Variants in GRIP1 observed in about 807,000 individuals in gnomAD.
The protein encoded by GRIP1 is glutamate receptor-interacting protein 1.
GRIP1 carries 45 observed loss-of-function variants against 129.9 expected under a neutral mutation model. The ratio of observed to expected loss-of-function variants is 0.35; its 90% CI spans 0.27 to 0.44. GRIP1 has a LOEUF of 0.44. Ranked by LOEUF, GRIP1 falls within the 20% of genes least tolerant of loss-of-function variation. GRIP1 has a pLI of 1.00. For synonymous variants in GRIP1, 530 were observed against 520.8 expected (o/e 1.02, Z -0.24); for missense variants, 1,196 against 1,396.8 (o/e 0.86, Z 2.29).
chr12:67,049,820 T>C (rs1026319376), intron 1 of GRIP1, among the ~76,000 whole-genome samples: 1 of 152,074 alleles, frequency 6.6e-6, no homozygotes, highest in African/African-American at 2.4e-5. Context: ...GAATTGTCAC[T>C]TAAACTAAGT....
Position 66,856,937 on chromosome 12 carries a change from G to A in GRIP1, c.58+212113C>T, listed in dbSNP as rs541781617. ...ACTCATGCACACATATGTTTATTGCGGCACTATTCACAATAGCAAAGACTT... is the reference window on the plus strand; with the variant it reads ...ACTCATGCACACATATGTTTATTGCAGCACTATTCACAATAGCAAAGACTT... On this transcript the variant is annotated intron_variant, in intron 1 of 1. Coordinates refer to the GRIP1 transcript ENST00000643019. 4.6e-5 allele frequency among the ~76,000 whole-genome samples: 7 copies of A among 152,148 alleles called. No individual in the cohort carries two copies. The South Asian group carries it at 1.2e-3, about 27-fold the overall frequency.
At chr12:66,493,418 T>C (rs2060156500) in intron 7 of GRIP1, among the ~76,000 whole-genome samples, 1 of 152,218 alleles carries the variant, frequency 6.6e-6, no homozygotes, top group South Asian at 2.1e-4. Flanking sequence ...CAGGAGCATG[T>C]TTTGAAACTC....
At chr12:67,014,007 G>T (rs1457025349) in intron 1 of GRIP1, among the ~76,000 whole-genome samples, 1 of 152,154 alleles carries the variant, frequency 6.6e-6, no homozygotes, top group Non-Finnish European at 1.5e-5. Context: ...AAACTGGCTG[G>T]CAAGATGTAA....
chr12:66,574,752 G>A (rs961873929), intron 2 of GRIP1, among the ~76,000 whole-genome samples: 13 of 150,706 alleles, frequency 8.6e-5, no homozygotes, highest in Non-Finnish European at 1.5e-5. Flanking sequence ...TTGTCCTCTT[G>A]CAGCTGACTG....
At chr12:66,849,547 C>T (rs2039875180) in intron 1 of GRIP1, among the ~76,000 whole-genome samples, 1 of 151,992 alleles carries the variant, frequency 6.6e-6, no homozygotes, top group Non-Finnish European at 1.5e-5. Context: ...TCCAGGAGGT[C>T]AAGACTTGCA....
chr12:66,947,255 C>T (rs776092988), intron 1 of GRIP1, among the ~76,000 whole-genome samples: 1 of 152,158 alleles, frequency 6.6e-6, no homozygotes, highest in Non-Finnish European at 1.5e-5. Context: ...GGTGATGAAT[C>T]ATCCTGTTCC....
chr12:67,047,591 G>A (rs150923008), intron 1 of GRIP1, among the ~76,000 whole-genome samples: 3 of 152,234 alleles, frequency 2.0e-5, no homozygotes, highest in African/African-American at 7.2e-5. Context: ...AATAATGCCT[G>A]CACAGTTTAG....
intron 1 of GRIP1, among the ~76,000 whole-genome samples, chr12:66,648,451 G>GCTTA (rs937949627): frequency 3.9e-5 from 6 of 152,156 alleles, no homozygotes; most frequent in African/African-American, 1.4e-4. Context: ...GTAGTTCCCA[G>GCTTA]CTTACGGCAG....
chr12:67,022,227 T>C (rs924863717), intron 1 of GRIP1, among the ~76,000 whole-genome samples: 3 of 152,204 alleles, frequency 2.0e-5, no homozygotes, highest in Non-Finnish European at 4.4e-5. Context: ...CTGGATCATA[T>C]GGTAGTTGTT....
chr12:67,068,221 C>G (rs772044795), intron 1 of GRIP1, among the ~76,000 whole-genome samples: 4 of 152,172 alleles, frequency 2.6e-5, no homozygotes, highest in Non-Finnish European at 5.9e-5. Flanking sequence ...CTTGAAGGTG[C>G]AAAAGGCCTT....
intron 1 of GRIP1, among the ~76,000 whole-genome samples, chr12:67,014,485 G>C (rs1045496381): frequency 5.9e-5 from 9 of 152,140 alleles, no homozygotes; most frequent in Admixed American, 1.3e-4. Flanking sequence ...GCAGCAGTCT[G>C]GGGTAATTCA....
intron 4 of GRIP1, among the ~76,000 whole-genome samples, 183 bp from the exon 5 acceptor site, chr12:66,530,097 T>C (rs1405297636): frequency 6.6e-6 from 1 of 152,144 alleles, no homozygotes; most frequent in East Asian, 1.9e-4. Flanking sequence ...CATAAAACAG[T>C]CATCTGTATA....
At chr12:66,733,925 T>G (rs2036516553) in intron 1 of GRIP1, among the ~76,000 whole-genome samples, 1 of 152,186 alleles carries the variant, frequency 6.6e-6, no homozygotes, top group African/African-American at 2.4e-5. Flanking sequence ...GTGCTAAAGC[T>G]GTGGCACTAT....
chr12:66,861,280 G>A (rs12308379), intron 1 of GRIP1, among the ~76,000 whole-genome samples: 25,127 of 152,046 alleles, frequency 0.17, 2,320 homozygotes, highest in East Asian at 0.42. Flanking sequence ...AAATATACAT[G>A]CCAGAAATGC....
chr12:66,417,273 G>T (rs2057640736), intron 15 of GRIP1, among the ~76,000 whole-genome samples: 1 of 152,018 alleles, frequency 6.6e-6, no homozygotes, highest in Admixed American at 6.6e-5. Flanking sequence ...AAAAACTAGG[G>T]TATAGAAGAA....
At chr12:66,979,222 TAAAAAAAAAAAAAAAAAAAA>T (rs35306665) in intron 1 of GRIP1, among the ~76,000 whole-genome samples, 1 of 41,436 alleles carries the variant, frequency 2.4e-5, no homozygotes, top group African/African-American at 7.5e-5. Context: ...CTTCTCTTCT[TAAAAAAAAAAAAAAAAAAAA>T]AAAAAAAAAA....
chr12:66,658,956 G>A (rs1009368971), intron 1 of GRIP1, among the ~76,000 whole-genome samples: 26 of 151,006 alleles, frequency 1.7e-4, no homozygotes, highest in Admixed American at 9.2e-4. Flanking sequence ...AAAAACAAAC[G>A]AACAACAACA....
At chr12:66,826,336 A>C (rs2039412335) in intron 1 of GRIP1, among the ~76,000 whole-genome samples, 1 of 152,170 alleles carries the variant, frequency 6.6e-6, no homozygotes, top group African/African-American at 2.4e-5. Flanking sequence ...TAGCATTAGA[A>C]GAAATACCTA....
intron 7 of GRIP1, among the ~76,000 whole-genome samples, chr12:66,467,004 A>G (rs2059304568): frequency 6.6e-6 from 1 of 152,230 alleles, no homozygotes; most frequent in South Asian, 2.1e-4. Context: ...TACTTATTAA[A>G]GTAAAGATGA....
Sources: gnomAD v4.1 joint callset for allele counts (sites outside exome capture counted in the v4.1 genomes callset) on GRCh38, gnomAD v4.1.1 for gene constraint, MANE v1.5 for transcripts, NCBI Gene and HGNC (gene_info 2026-07-23, HGNC 2026-07-21) for gene names.